Variants in ARMC2 observed in about 807,000 individuals in gnomAD.
ARMC2 encodes the protein armadillo repeat-containing protein 2.
A neutral mutation model predicts 90.3 loss-of-function variants in ARMC2; 67 were observed. The observed-to-expected ratio is 0.74, with a 90% confidence interval of 0.61 to 0.91. The LOEUF (loss-of-function observed/expected upper bound fraction) is 0.91, where lower values mean the gene tolerates loss of function less well. Among genes scored for constraint, ARMC2 ranks in the 40% least tolerant of loss-of-function variants. ARMC2 has a pLI of 0.00. For missense variants in ARMC2, 920 were observed against 1,030.9 expected (o/e 0.89, Z 1.47); for synonymous variants, 393 against 393.0 (o/e 1.00, Z 0.00).
chr6:108,948,601 C>T (rs1412394864), intron 12 of ARMC2, among the ~76,000 whole-genome samples: 2 of 150,496 alleles, frequency 1.3e-5, no homozygotes, highest in South Asian at 4.2e-4. Context: ...CTGCCAGGAA[C>T]CACCCCCTCC....
At chr6:109,035,872 T>C in the ARMC2 span, among the ~76,000 whole-genome samples, 1 of 152,304 alleles carries the variant, frequency 6.6e-6, no homozygotes, top group South Asian at 2.1e-4. Flanking sequence ...CCTCCTGAAG[T>C]GCTGGGATTA....
Position 108,854,210 on chromosome 6 carries a change from A to C in ARMC2, c.-43-15A>C. 1 of 1,330,202 alleles carries C rather than the reference A, an allele frequency of 7.5e-7. No homozygotes were observed. The highest frequency in any genetic ancestry group is 1.3e-5 in the South Asian group (1 of 78,338). The allele number at this position is 1,330,202 out of a possible 1,614,324, so 82.4% of individuals were successfully genotyped here. A position where few individuals can be genotyped will look rare whatever the true frequency, so the allele number is the denominator to read the frequency against. Reference sequence around the variant, plus strand: ...GGACAAAAATAATGATGGTTTTTGTACCATGTATTTGCAGGGTGTGGTGTC... The same window carrying C: ...GGACAAAAATAATGATGGTTTTTGTCCCATGTATTTGCAGGGTGTGGTGTC... On this transcript the variant is annotated splice_polypyrimidine_tract_variant and intron_variant, in intron 1 of 17. Transcript: ENST00000392644.
chr6:108,944,480 A>G (rs1776662298), intron 12 of ARMC2, among the ~76,000 whole-genome samples: 1 of 152,154 alleles, frequency 6.6e-6, no homozygotes, highest in Non-Finnish European at 1.5e-5. Context: ...CTCAGGAGAG[A>G]TGGGCACAGG....
intron 8 of ARMC2, chr6:108,907,606 T>C: frequency 6.4e-7 from 1 of 1,563,080 alleles, no homozygotes; most frequent in Admixed American, 1.7e-5. Context: ...GAGCGTGTCC[T>C]CTTCAGTGGT....
the ARMC2 span, among the ~76,000 whole-genome samples, chr6:109,017,992 AC>A: frequency 2.0e-5 from 3 of 152,176 alleles, no homozygotes; most frequent in Non-Finnish European, 4.4e-5. Context: ...CATGGCGAGA[AC>A]CCTGTCTCTT....
chr6:108,930,517 AACT>A (rs1363902037), intron 11 of ARMC2, among the ~76,000 whole-genome samples: 4 of 151,944 alleles, frequency 2.6e-5, no homozygotes, highest in Admixed American at 6.6e-5. Context: ...AGGTTTTCCT[AACT>A]ACCCTTTAGA....
the ARMC2 span, among the ~76,000 whole-genome samples, chr6:108,985,821 A>C: frequency 6.6e-6 from 1 of 152,192 alleles, no homozygotes; most frequent in Non-Finnish European, 1.5e-5. Flanking sequence ...AAGAGGACAA[A>C]GGCATGATGC....
At chr6:109,052,200 C>CTGTTT in the ARMC2 span, among the ~76,000 whole-genome samples, 1 of 152,294 alleles carries the variant, frequency 6.6e-6, no homozygotes, top group East Asian at 1.9e-4. Flanking sequence ...TCCTCTTAGC[C>CTGTTT]TAAAACAGTG....
At chr6:108,994,796 A>G in the ARMC2 span, among the ~76,000 whole-genome samples, 61,261 of 146,896 alleles carry the variant, frequency 0.42, 13,324 homozygotes, top group African/African-American at 0.55. Context: ...TCCACCTCCC[A>G]GGTTCACGCC....
the ARMC2 span, among the ~76,000 whole-genome samples, chr6:109,014,487 T>C: frequency 6.6e-6 from 1 of 152,326 alleles, no homozygotes; most frequent in South Asian, 2.1e-4. Context: ...CTATATGAGG[T>C]TGCTGCATTT....
the ARMC2 span, among the ~76,000 whole-genome samples, chr6:109,008,352 G>A: frequency 1.3e-5 from 2 of 152,174 alleles, no homozygotes; most frequent in African/African-American, 2.4e-5. Context: ...TTTTGGTAAA[G>A]TTTCCAAAGC....
chr6:108,885,262 G>A (rs189205196), intron 5 of ARMC2, among the ~76,000 whole-genome samples: 1 of 151,680 alleles, frequency 6.6e-6, no homozygotes, highest in Non-Finnish European at 1.5e-5. Flanking sequence ...ATGTATTTTA[G>A]TCTTGTGCCC....
chr6:108,967,161 T>C (rs150721028), intron 17 of ARMC2, among the ~76,000 whole-genome samples: 1 of 152,330 alleles, frequency 6.6e-6, no homozygotes, highest in Non-Finnish European at 1.5e-5. Context: ...TTCAGCTACC[T>C]CCAGGCTTCC....
chr6:108,868,577 C>T (rs1431972171), intron 3 of ARMC2, among the ~76,000 whole-genome samples: 1 of 151,960 alleles, frequency 6.6e-6, no homozygotes, highest in African/African-American at 2.4e-5. Context: ...CTGTTTTACT[C>T]AAGTATGGTA....
chr6:109,026,529 G>A, the ARMC2 span, among the ~76,000 whole-genome samples: 8 of 151,692 alleles, frequency 5.3e-5, no homozygotes, highest in African/African-American at 9.7e-5. Context: ...ATGGAGTCTC[G>A]CTCTGTCGCC....
chr6:109,003,391 C>G, the ARMC2 span, among the ~76,000 whole-genome samples: 2 of 151,728 alleles, frequency 1.3e-5, no homozygotes, highest in Non-Finnish European at 2.9e-5. Context: ...GGTGGGTGCA[C>G]AGAGAGAAGG....
chr6:108,920,620 C>T (rs1774461404), intron 10 of ARMC2, among the ~76,000 whole-genome samples: 1 of 152,026 alleles, frequency 6.6e-6, no homozygotes, highest in Non-Finnish European at 1.5e-5. Context: ...TATGTAATGC[C>T]TTGGGTTTTT....
intron 5 of ARMC2, among the ~76,000 whole-genome samples, chr6:108,880,865 T>C (rs1460003704): frequency 1.3e-5 from 2 of 151,450 alleles, no homozygotes; most frequent in Non-Finnish European, 2.9e-5. Context: ...TTTCTCTTTT[T>C]TTTCTTTTTT....
At chr6:108,888,650 C>T (rs1191365410) in intron 5 of ARMC2, among the ~76,000 whole-genome samples, 1 of 152,162 alleles carries the variant, frequency 6.6e-6, no homozygotes, top group African/African-American at 2.4e-5. Flanking sequence ...TTCTTGATGC[C>T]TCTCTTCCCC....
Sources: allele counts gnomAD v4.1 joint callset (sites outside exome capture counted in the v4.1 genomes callset), GRCh38; gene constraint gnomAD v4.1.1; transcripts MANE v1.5; gene names NCBI Gene and HGNC (gene_info 2026-07-23, HGNC 2026-07-21).